Variants in SLC2A14 observed in about 807,000 individuals in gnomAD.
SLC2A14 encodes solute carrier family 2, facilitated glucose transporter member 14.
Under a neutral mutation model 43.0 loss-of-function variants are expected in SLC2A14, and 13 were observed. The ratio of observed to expected loss-of-function variants is 0.30; its 90% confidence interval spans 0.20 to 0.48. The LOEUF (loss-of-function observed/expected upper bound fraction) is 0.48. SLC2A14 is among the 20% of genes least tolerant of loss of function. SLC2A14 has a pLI of 0.99. For synonymous variants in SLC2A14, 190 were observed against 233.8 expected (o/e 0.81, Z 1.71); for missense variants, 428 against 620.4 (o/e 0.69, Z 3.29).
chr12:7,832,727 C>T lies in SLC2A14; in HGVS notation c.106G>A (p.Glu36Lys). The T allele has an allele frequency of 3.1e-6, 5 of 1,613,976 alleles. No individual in the cohort carries two copies. The highest frequency in any genetic ancestry group is 4.2e-6 in the Non-Finnish European group (5 of 1,179,906). The change falls in exon 3 of 11, where the codon GAG (glutamate) becomes AAG (lysine). Residue 36 changes from glutamate (E) to lysine (K), a missense_variant. Transcript: ENST00000431042. ...TCTTGTGGCCTGGCACTCACCGTCTCAGGAGCATTGATGACCCCAGTGTTG... is the reference window on the plus strand; with the variant it reads ...TCTTGTGGCCTGGCACTCACCGTCTTAGGAGCATTGATGACCCCAGTGTTG... ...GYNTGVINAPETIIKEFINKT... is the reference protein window; with the variant it reads ...GYNTGVINAPKTIIKEFINKT...
intron 7 of SLC2A14, among the ~76,000 whole-genome samples, chr12:7,827,003 TTCTC>T (rs1210811349): frequency 2.3e-3 from 327 of 139,994 alleles, no homozygotes; most frequent in African/African-American, 8.3e-3. Flanking sequence ...TTTCTCTCCT[TTCTC>T]TCTCTCTCTT....
chr12:7,884,861 A>G (rs1945661210), intron 1 of SLC2A14, among the ~76,000 whole-genome samples: 2 of 151,842 alleles, frequency 1.3e-5, no homozygotes, highest in South Asian at 4.1e-4. Context: ...CCCTTTTTAC[A>G]TTGGGTCAAA....
chr12:7,870,992 G>A lies in SLC2A14; in HGVS notation c.-57-1055C>T, dbSNP rs1044032934. The stretch of plus-strand genomic sequence containing the variant: ...TTTCAACATGATTGACCAGAACCAT[G>A]ATGGCTTCAATGACAAGGGGGACAG... On this transcript the variant is annotated intron_variant, in intron 1 of 10. Transcript: ENST00000431042. 48 of 1,437,360 alleles carry A rather than the reference G, an allele frequency of 3.3e-5. No individual in the cohort carries two copies. The African/African-American group carries it at 4.3e-4, about 13-fold the overall frequency. 89.0% of individuals were successfully genotyped at this position (1,437,360 alleles called of 1,614,324 possible).
At chr12:7,884,155 C>G (rs956593081) in intron 1 of SLC2A14, among the ~76,000 whole-genome samples, 2 of 151,896 alleles carry the variant, frequency 1.3e-5, no homozygotes, top group Non-Finnish European at 2.9e-5. Flanking sequence ...GATCTGACCT[C>G]GTGATCTGCC....
chr12:7,862,149 A>G (rs1944598797), intron 2 of SLC2A14, among the ~76,000 whole-genome samples: 1 of 148,628 alleles, frequency 6.7e-6, no homozygotes, highest in South Asian at 2.1e-4. Flanking sequence ...CTGTAATCCC[A>G]GCTACTCAGG....
exon 1 of SLC2A14, chr12:7,891,038 G>T (rs1484546696): frequency 2.6e-6 from 4 of 1,535,020 alleles, no homozygotes; most frequent in Non-Finnish European, 3.5e-6. Context: ...CCAGAGTGGA[G>T]GTCTGAGAAG....
At chr12:7,849,631 T>C (rs1467664781) in intron 2 of SLC2A14, among the ~76,000 whole-genome samples, 1 of 151,970 alleles carries the variant, frequency 6.6e-6, no homozygotes, top group Non-Finnish European at 1.5e-5. Flanking sequence ...CTGGGTGCAG[T>C]GGCTCATGCC....
At chr12:7,846,923 C>T (rs567744700) in intron 2 of SLC2A14, among the ~76,000 whole-genome samples, 3 of 151,450 alleles carry the variant, frequency 2.0e-5, no homozygotes, top group South Asian at 2.1e-4. Flanking sequence ...TGAGCCACCA[C>T]GTCTGGTCCT....
At chr12:7,867,139 C>A (rs1029647883) in intron 2 of SLC2A14, among the ~76,000 whole-genome samples, 16 of 151,892 alleles carry the variant, frequency 1.1e-4, no homozygotes, top group Non-Finnish European at 1.6e-4. Context: ...ATTAGCCGGG[C>A]GTGGTGGCGG....
chr12:7,890,786 C>T, intron 1 of SLC2A14: 1 of 372,612 alleles, frequency 2.7e-6, no homozygotes, highest in Admixed American at 4.4e-5. Flanking sequence ...GCAAAGTCCC[C>T]CTTCAGCAAA....
intron 4 of SLC2A14, 65 bp downstream of exon 4, chr12:7,831,539 C>T (rs1178337531): frequency 1.3e-6 from 2 of 1,595,722 alleles, no homozygotes; most frequent in South Asian, 2.2e-5. Context: ...CCTGCCCTAA[C>T]TCTCCACACT....
At chr12:7,887,043 C>G (rs1945699586) in intron 1 of SLC2A14, among the ~76,000 whole-genome samples, 2 of 151,574 alleles carry the variant, frequency 1.3e-5, no homozygotes, top group South Asian at 4.2e-4. Flanking sequence ...TCCTGAGTAG[C>G]TGGGATTACA....
chr12:7,828,779 C>T lies in SLC2A14; in HGVS notation c.601G>A (p.Ala201Thr), dbSNP rs1374007630. 5 of 1,614,162 alleles carry T rather than the reference C, an allele frequency of 3.1e-6. No individual in the cohort carries two copies. The highest frequency in any genetic ancestry group is 4.2e-6 in the Non-Finnish European group (5 of 1,180,024). The change falls in exon 6 of 11, where the codon GCA (alanine) becomes ACA (threonine). Residue 201 changes from alanine (A) to threonine (T), a missense_variant. Ala to Thr is a moderately conservative substitution (Grantham distance 58, BLOSUM62 0). Transcript: ENST00000431042. ...FTILPAILQSAALPCCPESPR... is the reference protein window; with the variant it reads ...FTILPAILQSTALPCCPESPR... The stretch of plus-strand genomic sequence containing the variant: ...CTTTCAGGGCAACATGGAAGGGCTG[C>T]ACTTTGCAGGATAGCTGGAAGGATG...
At chr12:7,855,329 G>A (rs992175827) in intron 2 of SLC2A14, among the ~76,000 whole-genome samples, 10 of 151,886 alleles carry the variant, frequency 6.6e-5, no homozygotes, top group Non-Finnish European at 1.0e-4. Flanking sequence ...CTTGGAGATG[G>A]GGTCTCCCTA....
intron 10 of SLC2A14, among the ~76,000 whole-genome samples, chr12:7,815,894 T>TTTTTTG (rs772359975): frequency 0.021 from 3,131 of 149,302 alleles, 112 homozygotes; most frequent in East Asian, 0.12. Context: ...TTTTTTTTGT[T>TTTTTTG]TTTTTGTTTT....
chr12:7,882,900 AAAG>A (rs1473699344), intron 1 of SLC2A14, among the ~76,000 whole-genome samples: 1 of 151,596 alleles, frequency 6.6e-6, no homozygotes, highest in East Asian at 1.9e-4. Context: ...TAAAAAAAAA[AAAG>A]GACTAAGACT....
At chr12:7,871,778 C>T in intron 1 of SLC2A14, 1 of 384,600 alleles carries the variant, frequency 2.6e-6, no homozygotes, top group Non-Finnish European at 3.6e-6. Flanking sequence ...TCACATGCAT[C>T]CCCACCCAAA....
Position 7,887,204 on chromosome 12 carries a change from G to A in SLC2A14, c.132+3792C>T, listed in dbSNP as rs1440470848. Among the ~76,000 whole-genome samples, 5 of 151,916 alleles carry A rather than the reference G, an allele frequency of 3.3e-5. No individual in the cohort carries two copies. The South Asian group carries it at 8.3e-4, about 25-fold the overall frequency. On this transcript the variant is annotated intron_variant, in intron 1 of 9. Transcript: ENST00000539924. ...TGGGATTACAGGCATGAGCCACCGCGCCCGGCCAAATAATGATTTCCTACT... is the reference window on the plus strand; with the variant it reads ...TGGGATTACAGGCATGAGCCACCGCACCCGGCCAAATAATGATTTCCTACT...
rs759479537 is a variant in SLC2A14, at chr12:7,832,831, C to T, written c.19-17G>A. On this transcript the variant is annotated splice_polypyrimidine_tract_variant and intron_variant, in intron 2 of 10. Transcript: ENST00000431042. ...TGGGGTGACCTGGAGAGACAGAGGA[C>T]AGGGAGGAGAGAATAGTCCTTAAAA... is the stretch of plus-strand genomic sequence containing the variant. 6.2e-7 allele frequency: 1 copy of T among 1,611,864 alleles called. No homozygotes were observed. Among genetic ancestry groups the T allele is most frequent in the South Asian group, 1.1e-5 (1 of 91,002 alleles).
Sources: allele counts gnomAD v4.1 joint callset (sites outside exome capture counted in the v4.1 genomes callset), GRCh38; gene constraint gnomAD v4.1.1; transcripts MANE v1.5; gene names NCBI Gene and HGNC (gene_info 2026-07-23, HGNC 2026-07-21).